Variants in UBXN2A observed in about 807,000 individuals in gnomAD.
The protein encoded by UBXN2A is UBX domain protein 2A.
In UBXN2A, 28 loss-of-function variants were observed where a neutral mutation model predicts 28.4. The ratio of observed to expected loss-of-function variants is 0.99; its 90% confidence interval spans 0.73 to 1.35. The LOEUF (loss-of-function observed/expected upper bound fraction) is 1.35, where lower values mean the gene tolerates loss of function less well. UBXN2A is among the 40% of genes most tolerant of loss of function. The probability of loss-of-function intolerance (pLI) is 0.00; values close to 1 mark genes in which losing one functional copy is unlikely to be tolerated. For synonymous variants in UBXN2A, 97 were observed against 103.6 expected (o/e 0.94, Z 0.39); for missense variants, 253 against 297.9 (o/e 0.85, Z 1.11).
chr2:23,937,851 T>A (rs1705574012), upstream of UBXN2A, among the ~76,000 whole-genome samples: 1 of 152,190 alleles, frequency 6.6e-6, no homozygotes, highest in Admixed American at 6.5e-5. Context: ...CAGAGTATAC[T>A]TACACAAACC....
At chr2:23,943,086 G>T (rs1423244545) in intron 1 of UBXN2A, among the ~76,000 whole-genome samples, 1 of 151,946 alleles carries the variant, frequency 6.6e-6, no homozygotes, top group African/African-American at 2.4e-5. Flanking sequence ...CTCCCGAGTA[G>T]CTGGGATTAC....
At chr2:23,997,467 T>C (rs1303470358) in intron 6 of UBXN2A, among the ~76,000 whole-genome samples, 1 of 152,202 alleles carries the variant, frequency 6.6e-6, no homozygotes, top group East Asian at 1.9e-4. Flanking sequence ...TTTATTTATT[T>C]TTGAGACGGA....
chr2:23,954,412 T>C (rs1280917753), intron 1 of UBXN2A, among the ~76,000 whole-genome samples: 1 of 152,218 alleles, frequency 6.6e-6, no homozygotes, highest in Admixed American at 6.6e-5. Flanking sequence ...TGTTTATCCA[T>C]ACATCTGTTG....
At chr2:23,985,959 A>G (rs1356265068) in intron 6 of UBXN2A, among the ~76,000 whole-genome samples, 1 of 152,126 alleles carries the variant, frequency 6.6e-6, no homozygotes, top group East Asian at 1.9e-4. Flanking sequence ...TTACACTGCA[A>G]GCCTGGGTGA....
At chr2:23,996,721 C>T (rs568378575) in intron 6 of UBXN2A, 25 of 148,234 alleles carry the variant, frequency 1.7e-4, no homozygotes, top group African/African-American at 5.2e-4. Context: ...ATGATCTACC[C>T]GCCTCAGCCT....
intron 6 of UBXN2A, among the ~76,000 whole-genome samples, chr2:23,995,150 C>T (rs1708480749): frequency 6.6e-6 from 1 of 151,990 alleles, no homozygotes; most frequent in South Asian, 2.1e-4. Flanking sequence ...TTTATGGGTC[C>T]CTCTGTTTCA....
chr2:23,980,344 T>C (rs1211623041), intron 4 of UBXN2A, among the ~76,000 whole-genome samples: 1 of 152,216 alleles, frequency 6.6e-6, no homozygotes, highest in African/African-American at 2.4e-5. Flanking sequence ...TTATATTAAC[T>C]TTATGAAGAA....
chr2:23,944,155 G>T, intron 1 of UBXN2A: 1 of 1,059,974 alleles, frequency 9.4e-7, no homozygotes, highest in Non-Finnish European at 1.5e-6. Flanking sequence ...GGAACTCATT[G>T]GTCCCTGTGT....
chr2:23,947,626 G>T (rs1192808073), intron 1 of UBXN2A, among the ~76,000 whole-genome samples: 1 of 152,120 alleles, frequency 6.6e-6, no homozygotes, highest in Non-Finnish European at 1.5e-5. Context: ...GATAGAAAAT[G>T]ACTGCGGTAA....
At chr2:23,974,793 C>T (rs1481521075) in intron 3 of UBXN2A, among the ~76,000 whole-genome samples, 3 of 152,082 alleles carry the variant, frequency 2.0e-5, no homozygotes, top group Admixed American at 6.6e-5. Context: ...GCCTGGCTAA[C>T]GTGCTGAAAC....
intron 6 of UBXN2A, among the ~76,000 whole-genome samples, chr2:23,985,607 T>G (rs542356993): frequency 4.5e-4 from 68 of 151,710 alleles, no homozygotes; most frequent in Non-Finnish European, 4.7e-4. Flanking sequence ...AGACAGTTTT[T>G]TTTTTTTTTT....
At chr2:23,979,454 A>G (rs1230018536) in intron 4 of UBXN2A, among the ~76,000 whole-genome samples, 1 of 152,238 alleles carries the variant, frequency 6.6e-6, no homozygotes, top group Non-Finnish European at 1.5e-5. Flanking sequence ...AGATGCATAT[A>G]TACTATGTGT....
intron 3 of UBXN2A, among the ~76,000 whole-genome samples, chr2:23,975,817 G>T (rs923015167): frequency 6.6e-6 from 1 of 151,980 alleles, no homozygotes; most frequent in Non-Finnish European, 1.5e-5. Flanking sequence ...GTAGAGACGG[G>T]GTTTCTCCAT....
intron 2 of UBXN2A, among the ~76,000 whole-genome samples, chr2:23,966,969 G>A (rs1400509463): frequency 4.6e-5 from 7 of 151,468 alleles, no homozygotes; most frequent in Admixed American, 4.6e-4. Context: ...ATGTTGCCCA[G>A]GCTGGTCTCC....
At chr2:23,971,866 A>T (rs1707436810) in intron 3 of UBXN2A, among the ~76,000 whole-genome samples, 1 of 152,082 alleles carries the variant, frequency 6.6e-6, no homozygotes, top group Non-Finnish European at 1.5e-5. Flanking sequence ...TAGGAGACTG[A>T]GGCAGGAGGA....
chr2:23,946,203 G>C (rs1253024583), intron 1 of UBXN2A, among the ~76,000 whole-genome samples: 1 of 151,998 alleles, frequency 6.6e-6, no homozygotes, highest in African/African-American at 2.4e-5. Flanking sequence ...ATCCAGGCTG[G>C]AGTGCAGTAG....
Position 23,971,392 on chromosome 2 carries a change from C to T in UBXN2A, c.158C>T (p.Ser53Phe). Residue 53 changes from serine (S) to phenylalanine (F), a missense_variant, in exon 3 of 7, where the codon TCT (serine) becomes TTT (phenylalanine). By Grantham distance (155) the Ser-to-Phe change is radical. Transcript: ENST00000309033. The part of the protein sequence containing the change: ...EAQKVSSKCV[S>F]PAEQKKQVDV... The stretch of plus-strand genomic sequence containing the variant: ...CAGAAGGTTAGTTCCAAATGTGTGT[C>T]TCCCGCTGAACAGAAGAAACAGGTA... 1.3e-6 allele frequency: 2 copies of T among 1,558,620 alleles called. No homozygotes were observed. The highest frequency in any genetic ancestry group is 8.8e-7 in the Non-Finnish European group (1 of 1,142,058).
chr2:23,957,255 C>T (rs72798404), intron 1 of UBXN2A, among the ~76,000 whole-genome samples: 15,606 of 151,806 alleles, frequency 0.1, 913 homozygotes, highest in Middle Eastern at 0.17. Flanking sequence ...CACCTCAGCA[C>T]CTCAACTTCC....
chr2:23,968,264 G>C (rs1707255466), intron 2 of UBXN2A, among the ~76,000 whole-genome samples: 1 of 152,072 alleles, frequency 6.6e-6, no homozygotes, highest in Non-Finnish European at 1.5e-5. Flanking sequence ...CCTACCTTTA[G>C]GGTCATTGTG....
Sources: gnomAD v4.1 joint callset for allele counts (sites outside exome capture counted in the v4.1 genomes callset) on GRCh38, gnomAD v4.1.1 for gene constraint, MANE v1.5 for transcripts, NCBI Gene and HGNC (gene_info 2026-07-23, HGNC 2026-07-21) for gene names.